The following NAA11 variants were observed in gnomAD, a reference collection of about 807,000 sequenced individuals.
NAA11 encodes N-alpha-acetyltransferase 11, NatA catalytic subunit, also known as N-alpha-acetyltransferase 11.
NAA11 carries 15 observed loss-of-function variants against 16.1 expected under a neutral mutation model. The ratio of observed to expected loss-of-function variants is 0.93; its 90% confidence interval spans 0.62 to 1.44. The LOEUF (loss-of-function observed/expected upper bound fraction) is 1.44, where lower values mean the gene tolerates loss of function less well. NAA11 is among the 40% of genes most tolerant of loss of function. NAA11 has a pLI of 0.00. For synonymous variants in NAA11, 122 were observed against 112.4 expected (o/e 1.09, Z -0.54); for missense variants, 298 against 291.3 (o/e 1.02, Z -0.17).
intron 1 of NAA11, among the ~76,000 whole-genome samples, chr4:79,297,954 A>G (rs1723271525): frequency 6.6e-6 from 1 of 152,166 alleles, no homozygotes; most frequent in Admixed American, 6.5e-5. Context: ...ATGGCTGCCC[A>G]TGGACCAATC....
the NAA11 span, among the ~76,000 whole-genome samples, chr4:79,192,547 A>G: frequency 1.3e-5 from 2 of 151,932 alleles, no homozygotes; most frequent in African/African-American, 4.8e-5. Flanking sequence ...GTCCCTACAA[A>G]GGACATGAAC....
intron 2 of NAA11, among the ~76,000 whole-genome samples, chr4:79,268,868 C>T (rs1722413151): frequency 8.6e-6 from 1 of 116,130 alleles, no homozygotes. Context: ...CACCCCACCA[C>T]AGTCCCCAGA....
chr4:79,214,281 C>A, the NAA11 span, among the ~76,000 whole-genome samples: 2 of 152,138 alleles, frequency 1.3e-5, no homozygotes, highest in Non-Finnish European at 2.9e-5. Flanking sequence ...GCAATGGAGA[C>A]CAATATGACA....
chr4:79,303,679 G>A (rs548411323), intron 1 of NAA11, among the ~76,000 whole-genome samples: 2 of 152,286 alleles, frequency 1.3e-5, no homozygotes, highest in South Asian at 4.1e-4. Flanking sequence ...TGTTTTGGGA[G>A]AAGAATGTAA....
chr4:79,296,030 CT>C (rs1723212339), intron 1 of NAA11, among the ~76,000 whole-genome samples: 1 of 152,118 alleles, frequency 6.6e-6, no homozygotes, highest in African/African-American at 2.4e-5. Flanking sequence ...AAAGATATCC[CT>C]TTTCTTTTAT....
At position 79,325,163 on chromosome 4, in the gene NAA11, G is replaced by C; in HGVS notation, c.*12+13C>G. 1 of 1,569,242 alleles carries C rather than the reference G, an allele frequency of 6.4e-7. No homozygotes were observed. The highest frequency in any genetic ancestry group is 1.2e-5 in the South Asian group (1 of 85,182). On this transcript the variant is annotated intron_variant, in intron 1 of 1. Transcript: ENST00000286794. ...TAGGAGAAGGGGGTACTGGGTCAGG[G>C]AAGACAGAATACCTTAAGCATGCTC...
downstream of NAA11, among the ~76,000 whole-genome samples, chr4:79,220,849 C>T (rs1490479438): frequency 2.0e-5 from 3 of 152,126 alleles, no homozygotes; most frequent in South Asian, 2.1e-4. Context: ...ATTGACTTGG[C>T]GATGTGGGCT....
intron 2 of NAA11, among the ~76,000 whole-genome samples, chr4:79,233,390 TG>T (rs1195663686): frequency 6.6e-6 from 1 of 152,096 alleles, no homozygotes; most frequent in Non-Finnish European, 1.5e-5. Flanking sequence ...ATATTGATTT[TG>T]TCTGTATAGC....
downstream of NAA11, among the ~76,000 whole-genome samples, chr4:79,221,195 G>A (rs897434856): frequency 4.0e-4 from 60 of 151,786 alleles, no homozygotes; most frequent in Middle Eastern, 0.021. Flanking sequence ...TAGTGTATAA[G>A]AATGCTTGTG....
At chr4:79,311,203 TAAG>T (rs1723760601) in intron 1 of NAA11, among the ~76,000 whole-genome samples, 1 of 152,206 alleles carries the variant, frequency 6.6e-6, no homozygotes, top group South Asian at 2.1e-4. Flanking sequence ...TGTCTTTTAA[TAAG>T]AATTGTACTG....
intron 2 of NAA11, among the ~76,000 whole-genome samples, chr4:79,251,603 G>T (rs745930524): frequency 6.6e-6 from 1 of 150,674 alleles, no homozygotes; most frequent in Non-Finnish European, 1.5e-5. Context: ...TAACAAACCC[G>T]CCATGTACCC....
intron 2 of NAA11, among the ~76,000 whole-genome samples, chr4:79,232,335 G>C (rs1014052112): frequency 2.0e-5 from 3 of 151,796 alleles, no homozygotes; most frequent in Non-Finnish European, 4.4e-5. Context: ...CAAAACAACT[G>C]TTCCCTTTTC....
chr4:79,171,974 C>T, the NAA11 span, among the ~76,000 whole-genome samples: 3 of 152,000 alleles, frequency 2.0e-5, no homozygotes, highest in Non-Finnish European at 4.4e-5. Context: ...TTTGTTTCTA[C>T]TTTTTTTATT....
At chr4:79,187,415 T>G in the NAA11 span, among the ~76,000 whole-genome samples, 1 of 152,216 alleles carries the variant, frequency 6.6e-6, no homozygotes, top group Non-Finnish European at 1.5e-5. Context: ...GCATTTCATA[T>G]TATTCAAGAC....
chr4:79,300,635 A>G (rs1268413586), intron 1 of NAA11, among the ~76,000 whole-genome samples: 1 of 152,226 alleles, frequency 6.6e-6, no homozygotes, highest in Admixed American at 6.5e-5. Flanking sequence ...AATTAATCTG[A>G]TATGAAGTAG....
chr4:79,182,753 T>A, the NAA11 span, among the ~76,000 whole-genome samples: 1 of 152,168 alleles, frequency 6.6e-6, no homozygotes, highest in Non-Finnish European at 1.5e-5. Context: ...CAATGGCAAC[T>A]TTATACGGAC....
At chr4:79,190,074 C>A in the NAA11 span, among the ~76,000 whole-genome samples, 5 of 152,036 alleles carry the variant, frequency 3.3e-5, no homozygotes, top group African/African-American at 1.2e-4. Context: ...ACAAAAAACC[C>A]GCACAAAGCT....
At chr4:79,245,380 C>T (rs1721790424) in intron 2 of NAA11, 1 of 155,278 alleles carries the variant, frequency 6.4e-6, no homozygotes, top group African/African-American at 2.5e-5. Flanking sequence ...TGAGGAGCAT[C>T]TCTACCCAGC....
chr4:79,320,286 C>CT, intron 1 of NAA11, among the ~76,000 whole-genome samples: 1 of 152,330 alleles, frequency 6.6e-6, no homozygotes, highest in East Asian at 1.9e-4. Context: ...AGATTGCAAA[C>CT]TGTTGCTGCT....
Sources: gnomAD v4.1 joint callset for allele counts (sites outside exome capture counted in the v4.1 genomes callset) on GRCh38, gnomAD v4.1.1 for gene constraint, MANE v1.5 for transcripts, NCBI Gene and HGNC (gene_info 2026-07-23, HGNC 2026-07-21) for gene names.